Variants in SMPD3 observed in about 807,000 individuals in gnomAD.
The protein encoded by SMPD3 is sphingomyelin phosphodiesterase 3.
In SMPD3, 21 loss-of-function variants were observed where a neutral mutation model predicts 55.7. That is an observed-to-expected ratio of 0.38 (90% CI 0.27 to 0.54). The LOEUF (loss-of-function observed/expected upper bound fraction) is 0.54. Ranked by LOEUF, SMPD3 falls within the 20% of genes least tolerant of loss-of-function variation. The probability of loss-of-function intolerance (pLI) is 0.80; values close to 1 mark genes in which losing one functional copy is unlikely to be tolerated. For synonymous variants in SMPD3, 457 were observed against 404.3 expected, an observed-to-expected ratio of 1.13 and a Z score of -1.56; for missense variants, 842 against 899.6, an observed-to-expected ratio of 0.94 and a Z score of 0.82.
chr16:68,435,136 C>CG (rs35026889), intron 1 of SMPD3, among the ~76,000 whole-genome samples: 116,621 of 151,968 alleles, frequency 0.77, 44,994 homozygotes, highest in East Asian at 0.88. Flanking sequence ...AAAGACAGCC[C>CG]AGCAGATCTG....
intron 1 of SMPD3, among the ~76,000 whole-genome samples, chr16:68,415,804 C>CTT (rs5817637): frequency 1.5e-5 from 2 of 133,762 alleles, no homozygotes; most frequent in African/African-American, 5.5e-5. Flanking sequence ...ACCTCTTCAG[C>CTT]TTTTTTTTTT....
At chr16:68,430,665 T>C (rs1875445603) in intron 1 of SMPD3, among the ~76,000 whole-genome samples, 2 of 152,154 alleles carry the variant, frequency 1.3e-5, no homozygotes, top group Non-Finnish European at 2.9e-5. Context: ...CTGTTCATTA[T>C]AAAAGCCAAA....
At chr16:68,440,119 G>A (rs564042610) in intron 1 of SMPD3, among the ~76,000 whole-genome samples, 7 of 152,186 alleles carry the variant, frequency 4.6e-5, no homozygotes, top group Non-Finnish European at 8.8e-5. Context: ...ATCTCCTCAG[G>A]CACTGAATAA....
Position 68,371,990 on chromosome 16 carries a change from C to T in SMPD3, c.192G>A (p.Thr64=), listed in dbSNP as rs1328120877. 7 of 1,611,988 alleles carry T rather than the reference C, an allele frequency of 4.3e-6. No individual in the cohort carries two copies. Among genetic ancestry groups the T allele is most frequent in the East Asian group, 2.2e-5 (1 of 44,796 alleles). The change falls in exon 3 of 9, where the codon ACG becomes ACA. Residue 64 remains threonine (T), a synonymous_variant. Coordinates refer to ENST00000219334, the MANE Select transcript of SMPD3 (RefSeq NM_018667.4). ...CCACCAGGAGGGCCAGGTAGATGGG[C>T]GTGAAGAGGGCAGTGCAGAGCAGCT... ...CLQLLCTALF[T]PIYLALLVAS... is the part of the protein sequence containing the mutation.
chr16:68,420,896 G>C (rs755218782), intron 1 of SMPD3, among the ~76,000 whole-genome samples: 13 of 152,198 alleles, frequency 8.5e-5, no homozygotes, highest in African/African-American at 1.7e-4. Context: ...TGCAGAGAGA[G>C]ACCAAATCGC....
In SMPD3 at chr16:68,371,303, G is replaced by C; in HGVS notation, c.879C>G (p.Gly293=). The C allele has an allele frequency of 1.2e-6, 2 of 1,601,020 alleles. No homozygotes were observed. The highest frequency in any genetic ancestry group is 8.5e-7 in the Non-Finnish European group (1 of 1,178,980). ...GGGACTCCCGGGAGGCCGAGGGGCT[G>C]CCCAGGCTCCCTGAATCCCCGTCCT... is the stretch of plus-strand genomic sequence containing the variant. ...NQQDGDSGSL[G]SPSASRESLV... Residue 293 remains glycine, a synonymous_variant, in exon 3 of 9, where the codon GGC becomes GGG. Coordinates refer to ENST00000219334, the MANE Select transcript of SMPD3 (RefSeq NM_018667.4).
At chr16:68,444,358 A>G (rs1198502656) in intron 1 of SMPD3, among the ~76,000 whole-genome samples, 1 of 152,232 alleles carries the variant, frequency 6.6e-6, no homozygotes, top group East Asian at 1.9e-4. Flanking sequence ...ATTTAGGAAT[A>G]CCAGGGCTGC....
chr16:68,428,851 G>C (rs1321251939), intron 1 of SMPD3, among the ~76,000 whole-genome samples: 1 of 152,188 alleles, frequency 6.6e-6, no homozygotes, highest in Non-Finnish European at 1.5e-5. Context: ...CGTGTGCAGA[G>C]AGCCCAGAGG....
chr16:68,387,058 ATAGT>A (rs2090063213), intron 1 of SMPD3, among the ~76,000 whole-genome samples: 2 of 152,272 alleles, frequency 1.3e-5, no homozygotes, highest in South Asian at 2.1e-4. Context: ...GTTTAATCTG[ATAGT>A]TAGAACCAGA....
At chr16:68,439,884 G>A (rs575045810) in intron 1 of SMPD3, among the ~76,000 whole-genome samples, 3 of 152,198 alleles carry the variant, frequency 2.0e-5, no homozygotes, top group Non-Finnish European at 4.4e-5. Context: ...CTTTTTAAAA[G>A]CAAAGCTACT....
At position 68,361,591 on chromosome 16, in the gene SMPD3, C is replaced by T; in HGVS notation, c.1866+12G>A. ...TTTGCATGGCCCTGGCTGCTGGGCC[C>T]TCCTGACTCACGGCCTTCCAGTCTG... is the stretch of plus-strand genomic sequence containing the variant. On this transcript the variant is annotated intron_variant, in intron 8 of 8. Coordinates refer to ENST00000219334, the MANE Select transcript of SMPD3 (RefSeq NM_018667.4). The T allele has an allele frequency of 2.5e-6, 4 of 1,605,498 alleles. No homozygotes were observed. The highest frequency in any genetic ancestry group is 3.4e-6 in the Non-Finnish European group (4 of 1,179,868).
At chr16:68,365,570 A>C (rs2089453819) in intron 3 of SMPD3, among the ~76,000 whole-genome samples, 2 of 152,080 alleles carry the variant, frequency 1.3e-5, no homozygotes, top group Non-Finnish European at 2.9e-5. Flanking sequence ...CACCCCACAC[A>C]GCAAGAGGCC....
chr16:68,399,896 C>A (rs974319256), intron 1 of SMPD3, among the ~76,000 whole-genome samples: 2 of 152,220 alleles, frequency 1.3e-5, no homozygotes, highest in African/African-American at 4.8e-5. Context: ...AGGGCTAAGG[C>A]CAAGTTGGCC....
chr16:68,421,641 C>G (rs960129883), intron 1 of SMPD3, among the ~76,000 whole-genome samples: 2 of 152,252 alleles, frequency 1.3e-5, no homozygotes, highest in Non-Finnish European at 2.9e-5. Flanking sequence ...CCAGACACAT[C>G]TCTTTGACTT....
chr16:68,380,114 A>G (rs901092196), intron 2 of SMPD3, among the ~76,000 whole-genome samples: 4 of 152,136 alleles, frequency 2.6e-5, no homozygotes, highest in Non-Finnish European at 5.9e-5. Context: ...GTGACCACAA[A>G]GGGTGCCAGC....
At chr16:68,374,856 A>C (rs1054749546) in intron 2 of SMPD3, among the ~76,000 whole-genome samples, 2 of 152,162 alleles carry the variant, frequency 1.3e-5, no homozygotes, top group African/African-American at 4.8e-5. Context: ...CTGGGGCCAG[A>C]GGGAGAGCTT....
chr16:68,364,541 ATCTCTG>A (rs1240685338), intron 5 of SMPD3: 1 of 593,812 alleles, frequency 1.7e-6, no homozygotes, highest in African/African-American at 1.9e-5. Context: ...TTTTTAGGGC[ATCTCTG>A]TCTCCAGCTT....
chr16:68,361,889 G>C, intron 7 of SMPD3, 130 bp from the exon 8 acceptor site: 1 of 1,347,810 alleles, frequency 7.4e-7, no homozygotes, highest in East Asian at 2.5e-5. Context: ...CTGGGTTTAA[G>C]ATCTCTCCCC....
At position 68,371,169 on chromosome 16, in the gene SMPD3, C is replaced by T; in HGVS notation, c.1013G>A (p.Arg338Lys). The T allele has an allele frequency of 6.2e-7, 1 of 1,613,368 alleles. No homozygotes were observed. Among genetic ancestry groups the T allele is most frequent in the South Asian group, 1.1e-5 (1 of 91,080 alleles). The change falls in exon 3 of 9, where the codon AGG becomes AAG. Residue 338 changes from arginine to lysine, a missense_variant. Physicochemically the swap from Arg to Lys is conservative, Grantham distance 26 (BLOSUM62 2). This residue lies in a region of SMPD3 where 649 missense variants were observed against 643.6 expected (regional missense o/e 1.01). Transcript: ENST00000219334. ...GTCGAAGGCCTCGTCGGGGTGCCGC[C>T]TCCTGCGTGCAGCCGCCTTCTTCAC... ...SVVKKAAARR[R>K]RHPDEAFDHE...
Sources: gnomAD v4.1 joint callset for allele counts (sites outside exome capture counted in the v4.1 genomes callset) on GRCh38, gnomAD v4.1.1 for gene constraint, gnomAD v4.1.1 regional missense constraint, MANE v1.5 for transcripts, NCBI Gene and HGNC (gene_info 2026-07-23, HGNC 2026-07-21) for gene names.